The following ATP2A1 variants were observed in gnomAD, a reference collection of about 807,000 sequenced individuals.
ATP2A1 encodes ATPase sarcoplasmic/endoplasmic reticulum Ca2+ transporting 1.
In ATP2A1, 83 loss-of-function variants were observed where a neutral mutation model predicts 109.5. The ratio of observed to expected loss-of-function variants is 0.76; its 90% CI spans 0.63 to 0.91. The LOEUF is 0.91. ATP2A1 is among the 40% of genes least tolerant of loss of function. The pLI, the probability that ATP2A1 is intolerant of heterozygous loss-of-function variation, is 0.00. For missense variants in ATP2A1, 1,101 were observed against 1,341.0 expected, an observed-to-expected ratio of 0.82 and a Z score of 2.80; for synonymous variants, 505 against 537.6, an observed-to-expected ratio of 0.94 and a Z score of 0.84.
In ATP2A1 at chr16:28,903,481, C is replaced by A; in HGVS notation, c.2980+41C>A. The A allele has an allele frequency of 6.4e-7, 1 of 1,555,288 alleles. No homozygotes were observed. Among genetic ancestry groups the A allele is most frequent in the Non-Finnish European group, 8.9e-7 (1 of 1,127,628 alleles). On this transcript the variant is annotated intron_variant, in intron 21 of 22. Transcript: ENST00000395503. The surrounding 1 kb of genome is among the most constrained non-coding windows in gnomAD (Gnocchi z 5.6). ...TCTGTCCCAAGCCCTGGCCCCACCA[C>A]AGCCCCTTCCCCATGACGCCGCCCC...
chr16:28,899,747 G>A (rs1247052576), intron 14 of ATP2A1, among the ~76,000 whole-genome samples: 2 of 147,860 alleles, frequency 1.4e-5, no homozygotes, highest in South Asian at 4.2e-4. Flanking sequence ...GATCACTTGA[G>A]GTTAGGAGTT....
intron 14 of ATP2A1, among the ~76,000 whole-genome samples, chr16:28,900,308 C>CA (rs1015375883): frequency 1.5e-4 from 22 of 143,620 alleles, no homozygotes; most frequent in East Asian, 4.0e-4. Flanking sequence ...TACCCTGTCT[C>CA]AAAAAAAAAA....
At position 28,898,188 on chromosome 16, in the gene ATP2A1, C is replaced by T; in HGVS notation, c.1546-45C>T. On this transcript the variant is annotated intron_variant, in intron 13 of 22. Transcript: ENST00000395503. This position sits in a 1 kb window ranked among gnomAD's most constrained non-coding sequence, Gnocchi z 4.0. Reference sequence around the variant, plus strand: ...CTACTCCTAGCCACCTGTCACTGCCCTGGAAGGAAAGTGGTGGTCTCTGAA... The same window carrying T: ...CTACTCCTAGCCACCTGTCACTGCCTTGGAAGGAAAGTGGTGGTCTCTGAA... The T allele has an allele frequency of 6.2e-7, 1 of 1,614,170 alleles. No individual in the cohort carries two copies. Among genetic ancestry groups the T allele is most frequent in the Non-Finnish European group, 8.5e-7 (1 of 1,180,018 alleles).
In ATP2A1 at chr16:28,880,048, G is replaced by A. The variant is rs926164134; in HGVS notation, c.219+465G>A. 10 of 1,004,260 alleles carry A rather than the reference G, an allele frequency of 1.0e-5. No homozygotes were observed. Among genetic ancestry groups the A allele is most frequent in the Admixed American group, 6.1e-5 (1 of 16,454 alleles). The allele number at this position is 1,004,260 out of a possible 1,614,324, so 62.2% of individuals were successfully genotyped here. A position where few individuals can be genotyped will look rare whatever the true frequency, so the allele number is the denominator to read the frequency against. ...GAGGGGAGGACTCGCTCCTAGTGGC[G>A]GGAAAGCGCGGCGGTGTGATGATGA... On this transcript the variant is annotated intron_variant, in intron 3 of 22. Coordinates refer to ENST00000395503, the MANE Select transcript of ATP2A1 (RefSeq NM_004320.6). The surrounding 1 kb of genome is among the most constrained non-coding windows in gnomAD (Gnocchi z 4.2).
chr16:28,893,235 AAGAG>A (rs1175729941), intron 9 of ATP2A1, among the ~76,000 whole-genome samples: 111 of 148,960 alleles, frequency 7.5e-4, no homozygotes, highest in East Asian at 9.8e-4. Flanking sequence ...AAAAAAAAAA[AAGAG>A]AGAGAGAGAG....
intron 9 of ATP2A1, among the ~76,000 whole-genome samples, chr16:28,893,231 AAAAAAG>A: frequency 6.6e-6 from 1 of 151,426 alleles, no homozygotes; most frequent in Non-Finnish European, 1.5e-5. Context: ...CAAAAAAAAA[AAAAAAG>A]AGAGAGAGAG....
chr16:28,900,872 A>C lies in ATP2A1; in HGVS notation c.2056A>C (p.Lys686Gln), dbSNP rs1181435083. Residue 686 changes from lysine (K) to glutamine (Q), a missense_variant, in exon 15 of 23, where the codon AAG (lysine) becomes CAG (glutamine). Transcript: ENST00000395503. ...FARVEPSHKSKIVEYLQSYDE... is the reference protein window; with the variant it reads ...FARVEPSHKSQIVEYLQSYDE... Reference sequence around the variant, plus strand: ...CCGTGTGGAGCCCTCGCACAAGTCCAAGATTGTGGAGTACCTGCAGTCCTA... The same window carrying C: ...CCGTGTGGAGCCCTCGCACAAGTCCCAGATTGTGGAGTACCTGCAGTCCTA... The C allele has an allele frequency of 2.5e-6, 4 of 1,614,054 alleles. No homozygotes were observed. The highest frequency in any genetic ancestry group is 4.5e-5 in the East Asian group (2 of 44,898).
Position 28,904,175 on chromosome 16 carries a change from T to G in ATP2A1, c.*38-5T>G. The G allele has an allele frequency of 6.2e-7, 1 of 1,610,818 alleles. No individual in the cohort carries two copies. The highest frequency in any genetic ancestry group is 8.5e-7 in the Non-Finnish European group (1 of 1,177,250). On this transcript the variant is annotated splice_polypyrimidine_tract_variant and splice_region_variant and intron_variant, in intron 22 of 22. Transcript: ENST00000395503. Reference sequence around the variant, plus strand: ...CTGCCTCATCCCTTCTCTTTCCCCTTCCAGATCCAGAAGATGAAAGAAGGA... The same window carrying G: ...CTGCCTCATCCCTTCTCTTTCCCCTGCCAGATCCAGAAGATGAAAGAAGGA...
chr16:28,894,051 T>A, intron 9 of ATP2A1, 104 bp from the exon 10 acceptor site: 1 of 925,514 alleles, frequency 1.1e-6, no homozygotes, highest in Admixed American at 2.0e-5. Flanking sequence ...AGGAGGGAAA[T>A]GGTGGGAAGG....
At position 28,898,392 on chromosome 16, in the gene ATP2A1, AC is replaced by A. The variant is rs772363145; in HGVS notation, c.1712del (p.Pro571ArgfsTer21). The A allele has an allele frequency of 4.3e-6, 7 of 1,613,638 alleles. No individual in the cohort carries two copies. The highest frequency in any genetic ancestry group is 3.3e-5 in the Admixed American group (2 of 59,928). ...CTGCTTGGCCCTGGCCACCCGGGAC[AC>A]CCCCCCGAAGCGAGAGGAAATGGTC... Reference protein sequence around the residue: ...LRCLALATRDTPPKREEMVLD... With the variant: ...LRCLALATRDXPPKREEMVLD... On this transcript the variant is annotated frameshift_variant, in exon 14 of 23. Coordinates refer to ENST00000395503, the MANE Select transcript of ATP2A1 (RefSeq NM_004320.6). LOFTEE classifies it high-confidence loss of function. The surrounding 1 kb of genome is among the most constrained non-coding windows in gnomAD (Gnocchi z 4.0).
intron 4 of ATP2A1, among the ~76,000 whole-genome samples, chr16:28,882,094 G>C (rs571062926): frequency 1.5e-5 from 2 of 135,344 alleles, no homozygotes; most frequent in African/African-American, 5.8e-5. Context: ...GTGCTACTAC[G>C]CCCGGCTTTT....
In ATP2A1 at chr16:28,901,956, G is replaced by A. The variant is rs781308814; in HGVS notation, c.2194G>A (p.Glu732Lys). The change falls in exon 16 of 23, where the codon GAG (glutamate) becomes AAG (lysine). Residue 732 changes from glutamate (E) to lysine (K), a missense_variant. Coordinates refer to ENST00000395503, the MANE Select transcript of ATP2A1 (RefSeq NM_004320.6). ...CACTGCCGTGGCCAAGACTGCCTCT[G>A]AGATGGTGCTGGCTGACGACAACTT... ...SGTAVAKTASEMVLADDNFST... is the reference protein window; with the variant it reads ...SGTAVAKTASKMVLADDNFST... 1 of 1,614,260 alleles carries A rather than the reference G, an allele frequency of 6.2e-7. No homozygotes were observed. The highest frequency in any genetic ancestry group is 1.1e-5 in the South Asian group (1 of 91,088).
In ATP2A1 at chr16:28,898,198, AGTG is replaced by A. The variant is rs774740688; in HGVS notation, c.1546-29_1546-27del. ...CCACCTGTCACTGCCCTGGAAGGAA[AGTG>A]GTGGTCTCTGAATGCTGTTCTGGTC... On this transcript the variant is annotated intron_variant, in intron 13 of 22. Transcript: ENST00000395503. The surrounding 1 kb of genome is among the most constrained non-coding windows in gnomAD (Gnocchi z 4.0). 57 of 1,614,032 alleles carry A rather than the reference AGTG, an allele frequency of 3.5e-5. No homozygotes were observed. The highest frequency in any genetic ancestry group is 4.8e-5 in the Non-Finnish European group (57 of 1,180,016).
chr16:28,895,042 T>G lies in ATP2A1; in HGVS notation c.1419+89T>G, dbSNP rs931288313. On this transcript the variant is annotated intron_variant, in intron 12 of 22. Coordinates refer to ENST00000395503, the MANE Select transcript of ATP2A1 (RefSeq NM_004320.6). ...GCAGAGGCCCTGGTTGGGCAGAGCC[T>G]AGTGCCTGTGCTGGGACCCCACCCA... 1.6e-5 allele frequency: 26 copies of G among 1,577,820 alleles called. No individual in the cohort carries two copies. The African/African-American group carries it at 3.4e-4, about 20-fold the overall frequency.
Position 28,902,809 on chromosome 16 carries a change from C to A in ATP2A1, c.2642C>A (p.Thr881Asn), listed in dbSNP as rs753367571. The A allele has an allele frequency of 6.2e-7, 1 of 1,613,946 alleles. No homozygotes were observed. The highest frequency in any genetic ancestry group is 8.5e-7 in the Non-Finnish European group (1 of 1,179,936). ...TTCATGCAGTGCACCGAGGACAACA[C>A]CCACTTTGAGGGCATAGACTGTGAG... ...THFMQCTEDN[T>N]HFEGIDCEVF... The change falls in exon 19 of 23, where the codon ACC becomes AAC. Residue 881 changes from threonine (T) to asparagine (N), a missense_variant. Coordinates refer to ENST00000395503, the MANE Select transcript of ATP2A1 (RefSeq NM_004320.6). This position sits in a 1 kb window ranked among gnomAD's most constrained non-coding sequence, Gnocchi z 4.8.
chr16:28,894,011 G>A, intron 9 of ATP2A1, 144 bp from the exon 10 acceptor site: 1 of 688,370 alleles, frequency 1.5e-6, no homozygotes, highest in Non-Finnish European at 2.6e-6. Flanking sequence ...AAGTGGGTAG[G>A]GTATACGGGG....
At chr16:28,879,986 T>C in intron 3 of ATP2A1, 13 of 611,708 alleles carry the variant, frequency 2.1e-5, no homozygotes, top group South Asian at 1.2e-4. Context: ...TCGGCGCCCC[T>C]GCCCCGCCCT....
chr16:28,896,464 G>A (rs1220188809), intron 12 of ATP2A1, among the ~76,000 whole-genome samples: 2 of 151,978 alleles, frequency 1.3e-5, no homozygotes, highest in African/African-American at 2.4e-5. Flanking sequence ...CCAGGCTGAA[G>A]TGCAGTGGGG....
chr16:28,900,685 G>A lies in ATP2A1; in HGVS notation c.1869G>A (p.Met623Ile). 6.2e-7 allele frequency: 1 copy of A among 1,613,496 alleles called. No homozygotes were observed. The highest frequency in any genetic ancestry group is 1.1e-5 in the South Asian group (1 of 91,048). Residue 623 changes from methionine to isoleucine, a missense_variant, in exon 15 of 23, where the codon ATG (methionine) becomes ATA (isoleucine). Transcript: ENST00000395503. The stretch of plus-strand genomic sequence containing the variant: ...GTGACGCCGGGATCCGGGTGATCAT[G>A]ATCACTGGGGACAACAAGGGCACAG... The part of the protein sequence containing the change: ...LCRDAGIRVI[M>I]ITGDNKGTAI...
Sources: allele counts gnomAD v4.1 joint callset (sites outside exome capture counted in the v4.1 genomes callset), GRCh38; gene constraint gnomAD v4.1.1; non-coding constraint Gnocchi (gnomAD v3.1); transcripts MANE v1.5; gene names NCBI Gene and HGNC (gene_info 2026-07-23, HGNC 2026-07-21).